SLC47A2: variants seen among roughly 807,000 people sequenced by gnomAD.
SLC47A2 encodes the protein solute carrier family 47 member 2.
In SLC47A2, 52 loss-of-function variants were observed where a neutral mutation model predicts 67.7. The ratio of observed to expected loss-of-function variants is 0.77; its 90% CI spans 0.61 to 0.97. The LOEUF (loss-of-function observed/expected upper bound fraction) is 0.97, where lower values mean the gene tolerates loss of function less well. Among genes scored for constraint, SLC47A2 ranks in the 50% least tolerant of loss-of-function variants. SLC47A2 has a pLI of 0.00. For missense variants in SLC47A2, 676 were observed against 712.3 expected, an observed-to-expected ratio of 0.95 and a Z score of 0.58; for synonymous variants, 278 against 292.9, an observed-to-expected ratio of 0.95 and a Z score of 0.52.
intron 13 of SLC47A2, chr17:19,692,423 G>A: frequency 2.1e-5 from 7 of 340,850 alleles, no homozygotes; most frequent in South Asian, 1.6e-4. Flanking sequence ...TCATGCAAAG[G>A]AATTAAACAA....
intron 10 of SLC47A2, chr17:19,704,951 A>T: frequency 2.5e-6 from 1 of 405,858 alleles, no homozygotes; most frequent in Non-Finnish European, 4.4e-6. Context: ...TCAGCCTCCC[A>T]AGTGGCTGGG....
At chr17:19,716,601 G>C (rs139938875), upstream of SLC47A2, 4 of 1,530,024 alleles carry the variant, frequency 2.6e-6, no homozygotes, top group Admixed American at 2.1e-5. Context: ...GCGCCTGCAC[G>C]GCCAGCTTTG....
chr17:19,703,231 A>C (rs2085835535), intron 11 of SLC47A2, 64 bp from the exon 12 acceptor site: 5 of 1,489,726 alleles, frequency 3.4e-6, no homozygotes, highest in Non-Finnish European at 3.7e-6. Flanking sequence ...TGCTCAGATC[A>C]GCAAAGGGCT....
chr17:19,686,948 C>CATTA (rs2085442631), intron 13 of SLC47A2, among the ~76,000 whole-genome samples: 1 of 152,060 alleles, frequency 6.6e-6, no homozygotes, highest in Non-Finnish European at 1.5e-5. Flanking sequence ...CTAAATAGAC[C>CATTA]TAATAGATAT....
chr17:19,707,732 G>T lies in SLC47A2; in HGVS notation c.727+14C>A. On this transcript the variant is annotated intron_variant, in intron 8 of 16. Coordinates refer to ENST00000433844, the MANE Select transcript of SLC47A2 (RefSeq NM_001099646.3). ...TGGCCTGCTCAGCCTCCCAGAGCAG[G>T]CCAGGCCTCCCACCTGCCCACGTCT... 6.4e-7 allele frequency: 1 copy of T among 1,573,880 alleles called. No individual in the cohort carries two copies.
At chr17:19,718,514 G>T (rs1316086958), upstream of SLC47A2, 6 of 152,376 alleles carry the variant, frequency 3.9e-5, no homozygotes, top group African/African-American at 1.2e-4. Context: ...CAGGACAAAG[G>T]TCGGGTCATC....
intron 16 of SLC47A2, among the ~76,000 whole-genome samples, chr17:19,679,316 A>G (rs1734833872): frequency 6.6e-6 from 1 of 152,174 alleles, no homozygotes; most frequent in Admixed American, 6.5e-5. Flanking sequence ...CCCAGGATGG[A>G]TGAGGTCATG....
At chr17:19,693,990 A>G (rs1268609281) in intron 13 of SLC47A2, among the ~76,000 whole-genome samples, 1 of 152,228 alleles carries the variant, frequency 6.6e-6, no homozygotes, top group Non-Finnish European at 1.5e-5. Flanking sequence ...ATAAACATGA[A>G]CAATCTAAAA....
intron 7 of SLC47A2, 84 bp from the exon 8 acceptor site, chr17:19,707,927 C>T: frequency 7.6e-7 from 1 of 1,317,602 alleles, no homozygotes; most frequent in Non-Finnish European, 1.1e-6. Context: ...CTCTGGCGGC[C>T]AGCCCGTGTG....
chr17:19,708,506 C>G (rs894783324), intron 6 of SLC47A2, 107 bp from the exon 7 acceptor site: 1 of 1,613,936 alleles, frequency 6.2e-7, no homozygotes. Context: ...CTTCAGCCAT[C>G]CCTGTTGAGG....
At chr17:19,681,055 T>C (rs1160582172) in intron 15 of SLC47A2, among the ~76,000 whole-genome samples, 1 of 151,904 alleles carries the variant, frequency 6.6e-6, no homozygotes, top group Non-Finnish European at 1.5e-5. Flanking sequence ...CTACTAAAAA[T>C]ACAAAAAATT....
rs111755301 is a variant in SLC47A2 at position 19,707,121 on chromosome 17, C to T, written c.728-360G>A. Among the ~76,000 whole-genome samples the T allele has an allele frequency of 8.5e-5, 13 of 152,112 alleles. No individual in the cohort carries two copies. In the East Asian group the frequency reaches 1.4e-3, roughly 16 times the overall value. On this transcript the variant is annotated intron_variant, in intron 8 of 16. Coordinates refer to ENST00000433844, the MANE Select transcript of SLC47A2 (RefSeq NM_001099646.3). The stretch of plus-strand genomic sequence containing the variant: ...TGCCTCCCTGGGGAGTTTTCAGAGG[C>T]GGCATGAGATCAAGGATGCTGAAGG...
At chr17:19,705,219 C>T (rs1363801203) in intron 10 of SLC47A2, 6 of 496,384 alleles carry the variant, frequency 1.2e-5, no homozygotes, top group African/African-American at 2.0e-5. Context: ...ATTCCAACAT[C>T]TGTGAGTGAA....
At chr17:19,704,778 G>A (rs977977704) in intron 10 of SLC47A2, 29 of 1,215,966 alleles carry the variant, frequency 2.4e-5, no homozygotes, top group East Asian at 2.1e-4. Context: ...AGCTCTGGCC[G>A]ACTGCAGTGT....
At chr17:19,704,883 T>A (rs553248121) in intron 10 of SLC47A2, 6 of 474,590 alleles carry the variant, frequency 1.3e-5, no homozygotes, top group Non-Finnish European at 2.2e-5. Context: ...TTGAGTGCAG[T>A]GGCACGATCT....
intron 2 of SLC47A2, 41 bp downstream of exon 2, chr17:19,715,075 G>A (rs2086214891): frequency 1.9e-6 from 3 of 1,591,408 alleles, no homozygotes; most frequent in African/African-American, 1.3e-5. Flanking sequence ...GAGAAGCCTG[G>A]GGAGAGAACG....
chr17:19,714,808 G>A lies in SLC47A2; in HGVS notation c.226-19C>T. On this transcript the variant is annotated intron_variant, in intron 2 of 16. Coordinates refer to ENST00000433844, the MANE Select transcript of SLC47A2 (RefSeq NM_001099646.3). ...TGACAAACTGGCGCCACACACAGGA[G>A]GAAACAAGAGCTTGTCAGGTGAGGC... 6.2e-7 allele frequency: 1 copy of A among 1,613,946 alleles called. No individual in the cohort carries two copies. Among genetic ancestry groups the A allele is most frequent in the South Asian group, 1.1e-5 (1 of 91,088 alleles).
chr17:19,708,958 G>T (rs1271338189), intron 5 of SLC47A2, among the ~76,000 whole-genome samples, 198 bp from the exon 6 acceptor site: 1 of 152,228 alleles, frequency 6.6e-6, no homozygotes, highest in East Asian at 1.9e-4. Flanking sequence ...CTATGGAAGA[G>T]GCCCCCTCAG....
At position 19,705,121 on chromosome 17, in the gene SLC47A2, C is replaced by T. The variant is rs544089848; in HGVS notation, c.909+315G>A. On this transcript the variant is annotated intron_variant, in intron 10 of 16. Coordinates refer to ENST00000433844, the MANE Select transcript of SLC47A2 (RefSeq NM_001099646.3). ...ACACACGTGAGCCACTGCGCCCAGC[C>T]TGGAATGTGCATTTTTAAAGAAAAT... 9 of 411,572 alleles carry T rather than the reference C, an allele frequency of 2.2e-5. No homozygotes were observed. The Admixed American group carries it at 2.6e-4, about 12-fold the overall frequency. The allele number at this position is 411,572 out of a possible 1,614,324, so 25.5% of individuals were successfully genotyped here. A position where few individuals can be genotyped will look rare whatever the true frequency, so the allele number is the denominator to read the frequency against.
Sources: gnomAD v4.1 joint callset for allele counts (sites outside exome capture counted in the v4.1 genomes callset) on GRCh38, gnomAD v4.1.1 for gene constraint, MANE v1.5 for transcripts, NCBI Gene and HGNC (gene_info 2026-07-23, HGNC 2026-07-21) for gene names.